Variants in NCAM2 observed in about 807,000 individuals in gnomAD.
NCAM2 encodes neural cell adhesion molecule 2.
In NCAM2, 30 loss-of-function variants were observed where a neutral mutation model predicts 98.1. That is an observed-to-expected ratio of 0.31 (90% CI 0.23 to 0.41). The LOEUF (loss-of-function observed/expected upper bound fraction) is 0.41, where lower values mean the gene tolerates loss of function less well. Among genes scored for constraint, NCAM2 ranks in the 10% least tolerant of loss-of-function variants. The pLI is 1.00. For missense variants in NCAM2, 867 were observed against 1,005.8 expected, an observed-to-expected ratio of 0.86 and a Z score of 1.87; for synonymous variants, 368 against 342.4, an observed-to-expected ratio of 1.07 and a Z score of -0.83.
intron 1 of NCAM2, among the ~76,000 whole-genome samples, chr21:21,252,387 TAA>T (rs779649343): frequency 2.0e-5 from 3 of 150,082 alleles, no homozygotes; most frequent in Admixed American, 6.7e-5. Flanking sequence ...ATACAATATA[TAA>T]GATATATACT....
rs371644232 is a variant in NCAM2, at chr21:21,450,886, CAGTAGAAGT to C, written c.1655-15717_1655-15709del. On this transcript the variant is annotated intron_variant, in intron 12 of 17. Transcript: ENST00000400546. ...CTTTTGTCTTTAATGTTAGAATACA[CAGTAGAAGT>C]AGCACATGTTACACACAGGTTAAAT... 6.3e-3 allele frequency among the ~76,000 whole-genome samples: 953 copies of C among 151,584 alleles called. 9 individuals carry two copies. Among genetic ancestry groups the C allele is most frequent in the African/African-American group, 0.021 (852 of 41,274 alleles).
chr21:21,082,907 G>C, intron 1 of NCAM2, among the ~76,000 whole-genome samples: 1 of 152,156 alleles, frequency 6.6e-6, no homozygotes, highest in Non-Finnish European at 1.5e-5. Context: ...TTTCAGAATT[G>C]AGGTCAAATA....
At chr21:21,482,646 A>G (rs533931752) in intron 15 of NCAM2, among the ~76,000 whole-genome samples, 2 of 151,966 alleles carry the variant, frequency 1.3e-5, no homozygotes, top group East Asian at 3.9e-4. Context: ...TTTTTTATCA[A>G]CCTACTCCCT....
At chr21:21,227,801 G>A (rs2070449536) in intron 1 of NCAM2, among the ~76,000 whole-genome samples, 1 of 151,778 alleles carries the variant, frequency 6.6e-6, no homozygotes, top group African/African-American at 2.4e-5. Context: ...CCCTGTCTCA[G>A]CCTACAAGTT....
intron 1 of NCAM2, among the ~76,000 whole-genome samples, chr21:21,088,781 A>G (rs902860063): frequency 6.6e-6 from 1 of 152,038 alleles, no homozygotes; most frequent in Admixed American, 6.6e-5. Flanking sequence ...TCACGAGGTC[A>G]GGAGATCGAG....
At chr21:21,400,202 A>G (rs1171221455) in intron 9 of NCAM2, among the ~76,000 whole-genome samples, 3 of 152,192 alleles carry the variant, frequency 2.0e-5, no homozygotes, top group Non-Finnish European at 2.9e-5. Context: ...GGCATATGTT[A>G]CTGTTTCATG....
At chr21:21,108,880 C>G (rs1488360332) in intron 1 of NCAM2, among the ~76,000 whole-genome samples, 1 of 152,074 alleles carries the variant, frequency 6.6e-6, no homozygotes, top group African/African-American at 2.4e-5. Flanking sequence ...CATCTAAAAA[C>G]TTATAGGGTA....
At chr21:21,081,001 G>C (rs927420070) in intron 1 of NCAM2, among the ~76,000 whole-genome samples, 4 of 152,068 alleles carry the variant, frequency 2.6e-5, no homozygotes, top group African/African-American at 9.7e-5. Context: ...TCAAGTGCAC[G>C]GTTTGACCTT....
At chr21:21,273,424 C>T (rs189837304) in intron 1 of NCAM2, among the ~76,000 whole-genome samples, 2 of 151,982 alleles carry the variant, frequency 1.3e-5, no homozygotes, top group Admixed American at 1.3e-4. Context: ...TATATACTAT[C>T]CTTACTAATA....
intron 9 of NCAM2, among the ~76,000 whole-genome samples, chr21:21,387,573 C>G (rs2076297354): frequency 6.6e-6 from 1 of 152,092 alleles, no homozygotes. Flanking sequence ...ATCTCAGCCT[C>G]ACACTGTTCA....
chr21:21,003,335 T>C (rs944153926), intron 1 of NCAM2, among the ~76,000 whole-genome samples: 3 of 152,156 alleles, frequency 2.0e-5, no homozygotes, highest in Non-Finnish European at 2.9e-5. Flanking sequence ...TTCAGGTCCA[T>C]TGATCAAATC....
chr21:21,180,354 T>A (rs1052813682), intron 1 of NCAM2, among the ~76,000 whole-genome samples: 7 of 152,226 alleles, frequency 4.6e-5, no homozygotes, highest in Non-Finnish European at 4.4e-5. Context: ...TATTGAGTTG[T>A]TTGAGTTCCT....
Position 21,140,762 on chromosome 21 carries a change from A to G in NCAM2, c.56-139816A>G, listed in dbSNP as rs578061188. 2.3e-3 allele frequency among the ~76,000 whole-genome samples: 356 copies of G among 152,226 alleles called. 6 individuals carry two copies. In the South Asian group the frequency reaches 0.029, roughly 13 times the overall value. On this transcript the variant is annotated intron_variant, in intron 1 of 17. Coordinates refer to ENST00000400546, the MANE Select transcript of NCAM2 (RefSeq NM_004540.5). The stretch of plus-strand genomic sequence containing the variant: ...AATCACTTTATTTTTCAACAATTTA[A>G]TATGTTACAATTCCTGAATCTGCAT...
At chr21:21,004,297 C>G (rs1205567285) in intron 1 of NCAM2, among the ~76,000 whole-genome samples, 1 of 152,186 alleles carries the variant, frequency 6.6e-6, no homozygotes, top group African/African-American at 2.4e-5. Flanking sequence ...GTACCGACCA[C>G]TTGTGCGAAG....
At chr21:21,507,394 G>A (rs370811751) in intron 15 of NCAM2, among the ~76,000 whole-genome samples, 5 of 152,164 alleles carry the variant, frequency 3.3e-5, no homozygotes, top group African/African-American at 1.2e-4. Context: ...TTTTCTCACA[G>A]TTCAAATTTA....
chr21:21,289,821 A>G (rs1243009979), intron 4 of NCAM2, among the ~76,000 whole-genome samples: 2 of 151,974 alleles, frequency 1.3e-5, no homozygotes, highest in African/African-American at 4.8e-5. Context: ...GACATAAGCT[A>G]ATATACAGTT....
intron 1 of NCAM2, among the ~76,000 whole-genome samples, chr21:21,240,304 A>C (rs189980029): frequency 1.6e-4 from 24 of 152,130 alleles, no homozygotes; most frequent in African/African-American, 5.3e-4. Context: ...TTTTCTCAAA[A>C]TTTTATAGAG....
At chr21:21,101,890 T>C (rs570429569) in intron 1 of NCAM2, among the ~76,000 whole-genome samples, 1 of 152,226 alleles carries the variant, frequency 6.6e-6, no homozygotes, top group South Asian at 2.1e-4. Context: ...TTGACAATTA[T>C]AAATAGTGTT....
At chr21:21,224,945 T>C (rs1036149930) in intron 1 of NCAM2, among the ~76,000 whole-genome samples, 1 of 152,116 alleles carries the variant, frequency 6.6e-6, no homozygotes, top group Non-Finnish European at 1.5e-5. Context: ...TTCCAAATCA[T>C]ACAAAACAAT....
Sources: gnomAD v4.1 joint callset for allele counts (sites outside exome capture counted in the v4.1 genomes callset) on GRCh38, gnomAD v4.1.1 for gene constraint, MANE v1.5 for transcripts, NCBI Gene and HGNC (gene_info 2026-07-23, HGNC 2026-07-21) for gene names.